Variants in SPECC1 observed in about 807,000 individuals in gnomAD.
The protein encoded by SPECC1 is sperm antigen with calponin homology and coiled-coil domains 1, also known as cytospin-B.
In SPECC1, 62 loss-of-function variants were observed where a neutral mutation model predicts 104.1. The ratio of observed to expected loss-of-function variants is 0.60; its 90% CI spans 0.49 to 0.74. SPECC1 has a LOEUF of 0.74. Ranked by LOEUF, SPECC1 falls within the 30% of genes least tolerant of loss-of-function variation. The probability of loss-of-function intolerance (pLI) is 0.00; values close to 1 mark genes in which losing one functional copy is unlikely to be tolerated. For missense variants in SPECC1, 1,306 were observed against 1,310.5 expected (o/e 1.00, Z 0.05); for synonymous variants, 513 against 501.6 (o/e 1.02, Z -0.30).
intron 1 of SPECC1, among the ~76,000 whole-genome samples, chr17:20,019,376 G>A (rs1247776486): frequency 6.6e-6 from 1 of 152,052 alleles, no homozygotes; most frequent in Non-Finnish European, 1.5e-5. Context: ...CTCCCAGTCA[G>A]ATGGTCATGA....
At chr17:20,227,871 C>T (rs1265918463) in intron 5 of SPECC1, among the ~76,000 whole-genome samples, 3 of 152,040 alleles carry the variant, frequency 2.0e-5, no homozygotes, top group African/African-American at 7.2e-5. Flanking sequence ...GCCGAGATTG[C>T]GCCACTGCAA....
chr17:20,096,718 C>T lies in SPECC1; in HGVS notation c.67C>T (p.Arg23Trp), dbSNP rs765479679. ...AGGGGGCCACGGCCCAGACCGGGTG[C>T]GGCCTCTGCCTGCAGCCTCTTCCGG... is the stretch of plus-strand genomic sequence containing the variant. ...RAGGHGPDRV[R>W]PLPAASSGMK... The change falls in exon 2 of 15, where the codon CGG becomes TGG. Residue 23 changes from arginine (R) to tryptophan (W), a missense_variant. Coordinates refer to ENST00000395527, the MANE Select transcript of SPECC1 (RefSeq NM_001243439.2). 51 of 1,614,112 alleles carry T rather than the reference C, an allele frequency of 3.2e-5. No homozygotes were observed. Among genetic ancestry groups the T allele is most frequent in the Admixed American group, 1.5e-4 (9 of 60,004 alleles).
intron 2 of SPECC1, 28 bp from the exon 3 acceptor site, chr17:20,110,399 C>T (rs1405301774): frequency 6.3e-7 from 1 of 1,588,132 alleles, no homozygotes; most frequent in Non-Finnish European, 8.6e-7. Context: ...ACCTCTTCAT[C>T]CTCTCTCTTT....
Position 20,232,237 on chromosome 17 carries a change from T to G in SPECC1, c.2183T>G (p.Leu728Arg). 6.2e-7 allele frequency: 1 copy of G among 1,614,162 alleles called. No homozygotes were observed. Among genetic ancestry groups the G allele is most frequent in the Non-Finnish European group, 8.5e-7 (1 of 1,180,028 alleles). Residue 728 changes from leucine to arginine, a missense_variant, in exon 7 of 15, where the codon CTG becomes CGG. By Grantham distance (102) the Leu-to-Arg change is moderately radical (BLOSUM62 -2). Coordinates refer to ENST00000395527, the MANE Select transcript of SPECC1 (RefSeq NM_001243439.2). The part of the protein sequence containing the change: ...TEEWRRFQAD[L>R]QTAVVVANDI... ...GAATGGAGGCGGTTCCAGGCGGATC[T>G]GCAGACCGCAGTGGTGGTGGCCAAT...
At chr17:20,268,856 G>T (rs977675547) in intron 12 of SPECC1, among the ~76,000 whole-genome samples, 1 of 152,142 alleles carries the variant, frequency 6.6e-6, no homozygotes, top group Non-Finnish European at 1.5e-5. Context: ...GTGCTGTGGG[G>T]CACCCGCTCC....
intron 5 of SPECC1, 123 bp from the exon 6 acceptor site, chr17:20,231,635 A>G: frequency 1.2e-6 from 1 of 816,156 alleles, no homozygotes; most frequent in Non-Finnish European, 2.1e-6. Flanking sequence ...CATTTAGAGT[A>G]GAATGGATGG....
intron 1 of SPECC1, among the ~76,000 whole-genome samples, chr17:20,024,313 T>G (rs953475118): frequency 2.0e-5 from 3 of 152,230 alleles, no homozygotes; most frequent in African/African-American, 7.2e-5. Flanking sequence ...TTATAGCTTT[T>G]CATTCATCAC....
At chr17:20,235,346 A>G (rs568763147) in intron 7 of SPECC1, among the ~76,000 whole-genome samples, 1 of 152,332 alleles carries the variant, frequency 6.6e-6, no homozygotes, top group South Asian at 2.1e-4. Flanking sequence ...TTGGACACAT[A>G]TAATGTAATA....
rs71369455 is a variant in SPECC1, at chr17:20,086,406, T to C, written c.-21-10225T>C. ...ACCCTCCTCAGCCAGCCTCTTCACA[T>C]GCCGAGGCCACAGCACTCAGTGTGG... On this transcript the variant is annotated intron_variant, in intron 1 of 14. Transcript: ENST00000395527. Among the ~76,000 whole-genome samples the C allele has an allele frequency of 3.7e-3, 559 of 152,288 alleles. 3 individuals carry two copies. The highest frequency in any genetic ancestry group is 5.6e-3 in the Non-Finnish European group (383 of 68,018).
At chr17:20,279,337 T>C (rs1414894424) in intron 12 of SPECC1, among the ~76,000 whole-genome samples, 2 of 150,496 alleles carry the variant, frequency 1.3e-5, no homozygotes, top group Admixed American at 6.6e-5. Flanking sequence ...TTTTTTTTTT[T>C]CTGAGATGGA....
chr17:20,142,048 C>T (rs1027287974), intron 3 of SPECC1, among the ~76,000 whole-genome samples: 8 of 152,148 alleles, frequency 5.3e-5, no homozygotes, highest in African/African-American at 1.9e-4. Context: ...ATTGTAGTGT[C>T]ATGTACAAAC....
intron 12 of SPECC1, among the ~76,000 whole-genome samples, chr17:20,295,437 G>T (rs1416407588): frequency 1.3e-5 from 2 of 152,048 alleles, no homozygotes; most frequent in East Asian, 1.9e-4. Flanking sequence ...CATTTGGGTT[G>T]GTTCCAGGTC....
chr17:20,180,936 A>G (rs1193955101), intron 3 of SPECC1, among the ~76,000 whole-genome samples: 1 of 152,124 alleles, frequency 6.6e-6, no homozygotes, highest in East Asian at 1.9e-4. Flanking sequence ...ACAAAAAGTG[A>G]AATATGAAAA....
At chr17:20,071,137 T>G (rs191374891) in intron 1 of SPECC1, among the ~76,000 whole-genome samples, 21 of 152,204 alleles carry the variant, frequency 1.4e-4, no homozygotes, top group African/African-American at 4.6e-4. Context: ...GCTCAAGCAA[T>G]CCTCCCTCCT....
At chr17:20,085,403 G>T (rs564692155) in intron 1 of SPECC1, among the ~76,000 whole-genome samples, 3 of 152,202 alleles carry the variant, frequency 2.0e-5, no homozygotes, top group African/African-American at 7.2e-5. Context: ...CCTCACGCTG[G>T]AAACAGATCG....
chr17:20,078,752 T>C (rs1419185004), intron 1 of SPECC1, among the ~76,000 whole-genome samples: 2 of 152,226 alleles, frequency 1.3e-5, no homozygotes, highest in Non-Finnish European at 2.9e-5. Context: ...ATATAAGCTA[T>C]ATATTTTTAT....
chr17:20,082,609 GTA>G (rs35459277), intron 1 of SPECC1, among the ~76,000 whole-genome samples: 7 of 150,204 alleles, frequency 4.7e-5, no homozygotes, highest in Non-Finnish European at 7.4e-5. Context: ...CTATATGTGT[GTA>G]TATATATATA....
At chr17:20,233,745 A>G (rs556230150) in intron 7 of SPECC1, among the ~76,000 whole-genome samples, 1 of 152,184 alleles carries the variant, frequency 6.6e-6, no homozygotes, top group Non-Finnish European at 1.5e-5. Context: ...GAGAATAGGA[A>G]AACTAGGTTT....
At chr17:20,071,551 C>A (rs1020596715) in intron 1 of SPECC1, among the ~76,000 whole-genome samples, 16 of 152,128 alleles carry the variant, frequency 1.1e-4, no homozygotes, top group African/African-American at 2.9e-4. Context: ...AATTACAACA[C>A]ATTTATAAAA....
Sources: allele counts gnomAD v4.1 joint callset (sites outside exome capture counted in the v4.1 genomes callset), GRCh38; gene constraint gnomAD v4.1.1; transcripts MANE v1.5; gene names NCBI Gene and HGNC (gene_info 2026-07-23, HGNC 2026-07-21).